Variants in TSPAN17 observed in about 807,000 individuals in gnomAD.
TSPAN17 encodes tetraspanin 17.
TSPAN17 carries 33 observed loss-of-function variants against 40.5 expected under a neutral mutation model. The ratio of observed to expected loss-of-function variants is 0.81; its 90% CI spans 0.62 to 1.09. TSPAN17 has a LOEUF of 1.09. Among genes scored for constraint, TSPAN17 ranks in the 50% least tolerant of loss-of-function variants. TSPAN17 has a pLI of 0.00. For missense variants in TSPAN17, 365 were observed against 416.8 expected (o/e 0.88, Z 1.08); for synonymous variants, 166 against 169.4 (o/e 0.98, Z 0.15).
chr5:176,657,104 T>G, intron 8 of TSPAN17, 148 bp downstream of exon 8: 1 of 831,300 alleles, frequency 1.2e-6, no homozygotes. Flanking sequence ...CCTGAACCGC[T>G]GTGCTGTCCA....
In TSPAN17 at chr5:176,655,970, G is replaced by T. The variant is rs549924121; in HGVS notation, c.583-108G>T. 5.5e-5 allele frequency: 53 copies of T among 957,200 alleles called. No homozygotes were observed. The East Asian group carries it at 1.3e-3, about 23-fold the overall frequency. 59.3% of individuals were successfully genotyped at this position (957,200 alleles called of 1,614,324 possible). On this transcript the variant is annotated intron_variant, in intron 5 of 8. Coordinates refer to ENST00000508164, the MANE Select transcript of TSPAN17 (RefSeq NM_130465.5). ...GACTGGTGGACACGGCAGAATCCACGGGCCCATCTGCGTCCTCTGAGAAGG... is the reference window on the plus strand; with the variant it reads ...GACTGGTGGACACGGCAGAATCCACTGGCCCATCTGCGTCCTCTGAGAAGG...
Position 176,647,612 on chromosome 5 carries a change from C to T in TSPAN17, c.-4C>T, listed in dbSNP as rs770853473. ...GTTTCCGGGCCGGCGGGTGGCCGCT[C>T]ACCATGCCCGGCAAGCACCAGCATT... On this transcript the variant is annotated 5_prime_UTR_variant, in exon 1 of 9. Coordinates refer to ENST00000508164, the MANE Select transcript of TSPAN17 (RefSeq NM_130465.5). 6.4e-6 allele frequency: 10 copies of T among 1,564,984 alleles called. No homozygotes were observed. The highest frequency in any genetic ancestry group is 7.8e-6 in the Non-Finnish European group (9 of 1,158,326).
intron 4 of TSPAN17, 94 bp downstream of exon 4, chr5:176,653,007 A>T: frequency 7.2e-7 from 1 of 1,394,892 alleles, no homozygotes; most frequent in Non-Finnish European, 1.0e-6. Flanking sequence ...CCATCTCCTT[A>T]CCCACCTGGG....
chr5:176,654,969 C>T lies in TSPAN17; in HGVS notation c.531C>T (p.Pro177=), dbSNP rs757761576. 1.9e-6 allele frequency: 3 copies of T among 1,612,804 alleles called. No homozygotes were observed. The highest frequency in any genetic ancestry group is 2.2e-5 in the East Asian group (1 of 44,818). Residue 177 remains proline (P), a synonymous_variant, in exon 5 of 9, where the codon CCC becomes CCT. Coordinates refer to ENST00000508164, the MANE Select transcript of TSPAN17 (RefSeq NM_130465.5). The surrounding 1 kb of genome is among the most constrained non-coding windows in gnomAD (Gnocchi z 4.3). Reference sequence around the variant, plus strand: ...ACTTCAACTGCACTGACTTGAACCCCAGCCGGGAGCGCTGCGGGGTGCCCT... The same window carrying T: ...ACTTCAACTGCACTGACTTGAACCCTAGCCGGGAGCGCTGCGGGGTGCCCT... ...NIYFNCTDLN[P]SRERCGVPFS... is the part of the protein sequence containing the mutation.
Position 176,647,627 on chromosome 5 carries a change from G to T in TSPAN17, c.12G>T (p.Lys4Asn). Residue 4 changes from lysine to asparagine, a missense_variant, in exon 1 of 9, where the codon AAG becomes AAT. By Grantham distance (94) the Lys-to-Asn change is moderately conservative. Transcript: ENST00000508164. The part of the protein sequence containing the change: MPG[K>N]HQHFQEPEVG... ...GGTGGCCGCTCACCATGCCCGGCAA[G>T]CACCAGCATTTCCAGGAACCTGAGG... The T allele has an allele frequency of 6.3e-7, 1 of 1,584,782 alleles. No homozygotes were observed. Among genetic ancestry groups the T allele is most frequent in the Non-Finnish European group, 8.6e-7 (1 of 1,167,170 alleles).
At chr5:176,652,213 G>A (rs1028626420) in intron 3 of TSPAN17, among the ~76,000 whole-genome samples, 8 of 152,214 alleles carry the variant, frequency 5.3e-5, no homozygotes, top group South Asian at 2.1e-4. Context: ...GGCTCCCCCC[G>A]TTTGGCTCCA....
chr5:176,652,727 G>C lies in TSPAN17; in HGVS notation c.286-16G>C. On this transcript the variant is annotated splice_polypyrimidine_tract_variant and intron_variant, in intron 3 of 8. Coordinates refer to ENST00000508164, the MANE Select transcript of TSPAN17 (RefSeq NM_130465.5). ...CCTGCGTTTCCAACCCCTACTGTCT[G>C]TATGCCCAACCCCAGTTCTCCGTGT... The C allele has an allele frequency of 6.2e-7, 1 of 1,613,754 alleles. No homozygotes were observed. The highest frequency in any genetic ancestry group is 8.5e-7 in the Non-Finnish European group (1 of 1,179,726).
rs139202733 is a variant in TSPAN17 at position 176,649,991 on chromosome 5, G to T, written c.88-1625G>T. ...CCAGCATCCCCCATCTCGTCGCCCC[G>T]CTCGATATTTGTTAAGGGGTCTGTT... On this transcript the variant is annotated intron_variant, in intron 1 of 8. Transcript: ENST00000508164. Among the ~76,000 whole-genome samples the T allele has an allele frequency of 9.1e-3, 1,390 of 152,128 alleles. 21 individuals are homozygous for T. The highest frequency in any genetic ancestry group is 0.032 in the African/African-American group (1,316 of 41,498).
At position 176,657,853 on chromosome 5, in the gene TSPAN17, T is replaced by G. The variant is rs1317162856; in HGVS notation, c.*155T>G. On this transcript the variant is annotated 3_prime_UTR_variant, in exon 9 of 9. Coordinates refer to ENST00000508164, the MANE Select transcript of TSPAN17 (RefSeq NM_130465.5). ...ACTCACCTAAGTGCCGCCTGACCCT[T>G]GTACACTAGGAGCTGGCCTCCCACC... The G allele has an allele frequency of 1.6e-5, 22 of 1,357,658 alleles. No homozygotes were observed. Among genetic ancestry groups the G allele is most frequent in the Admixed American group, 3.0e-5 (1 of 32,872 alleles). 84.1% of individuals were successfully genotyped at this position (1,357,658 alleles called of 1,614,324 possible). A position where few individuals can be genotyped will look rare whatever the true frequency, so the allele number is the denominator to read the frequency against.
intron 8 of TSPAN17, 62 bp from the exon 9 acceptor site, chr5:176,657,456 G>A (rs1761202427): frequency 6.5e-7 from 1 of 1,548,906 alleles, no homozygotes; most frequent in African/African-American, 1.4e-5. Flanking sequence ...ACCCACCTCA[G>A]CCTCAGTGTC....
At chr5:176,653,368 A>G (rs540367051) in intron 4 of TSPAN17, 1 of 158,102 alleles carries the variant, frequency 6.3e-6, no homozygotes, top group Admixed American at 6.0e-5. Flanking sequence ...CATTTATACT[A>G]TGTTTGGCCT....
chr5:176,653,153 T>G, intron 4 of TSPAN17: 1 of 417,370 alleles, frequency 2.4e-6, no homozygotes. Context: ...GGCTCCACGC[T>G]AGCAGCTCCC....
At chr5:176,655,982 G>C (rs984929117) in intron 5 of TSPAN17, 96 bp from the exon 6 acceptor site, 6 of 1,111,150 alleles carry the variant, frequency 5.4e-6, no homozygotes, top group Non-Finnish European at 6.9e-6. Context: ...GCCCATCTGC[G>C]TCCTCTGAGA....
chr5:176,656,150 G>GGGCA (rs768456355), intron 6 of TSPAN17, 25 bp downstream of exon 6: 2 of 1,611,934 alleles, frequency 1.2e-6, no homozygotes, highest in South Asian at 2.2e-5. Context: ...AACCGGGCTG[G>GGGCA]GGCAGGCAGG....
Position 176,656,904 on chromosome 5 carries a change from A to G in TSPAN17, c.757A>G (p.Ile253Val). The G allele has an allele frequency of 6.2e-7, 1 of 1,614,142 alleles. No individual in the cohort carries two copies. The highest frequency in any genetic ancestry group is 1.1e-5 in the South Asian group (1 of 91,086). Residue 253 changes from isoleucine to valine, a missense_variant, in exon 8 of 9, where the codon ATC (isoleucine) becomes GTC (valine). Ile to Val is a conservative substitution (Grantham distance 29). Transcript: ENST00000508164. ...GTCCTCTGTCTTACAGATCTTTGGC[A>G]TCTGCCTGGCCCAGAACCTCGTGAG... ...MGIALLQIFG[I>V]CLAQNLVSDI...
chr5:176,655,710 C>T (rs1047297478), intron 5 of TSPAN17, among the ~76,000 whole-genome samples: 11 of 136,806 alleles, frequency 8.0e-5, no homozygotes, highest in South Asian at 4.6e-4. Context: ...CCAGCTGGGG[C>T]GGCACAGTGA....
rs113889219 is a variant in TSPAN17 at position 176,647,755 on chromosome 5, G to A, written c.87+53G>A. On this transcript the variant is annotated intron_variant, in intron 1 of 8. Coordinates refer to ENST00000508164, the MANE Select transcript of TSPAN17 (RefSeq NM_130465.5). ...GTGCTGGGGGGTGGTGGGAGAGGGA[G>A]ATTCAGTCTTTTGCTGGGGGAGACC... The A allele has an allele frequency of 2.6e-3, 3,956 of 1,499,186 alleles. 104 individuals carry two copies. In the African/African-American group the frequency reaches 0.049, roughly 19 times the overall value. The allele number at this position is 1,499,186 out of a possible 1,614,324, so 92.9% of individuals were successfully genotyped here.
rs369465575 is a variant in TSPAN17, at chr5:176,651,685, G to A, written c.138+19G>A. The A allele has an allele frequency of 7.6e-5, 123 of 1,614,016 alleles. 1 individual carries two copies. The South Asian group carries it at 1.2e-3, about 16-fold the overall frequency. On this transcript the variant is annotated intron_variant, in intron 2 of 8. Transcript: ENST00000508164. This position sits in a 1 kb window ranked among gnomAD's most constrained non-coding sequence, Gnocchi z 4.5. ...TGAGAAGGTAAGGCAGCGGGCGGGCGTGGAGCTGGTATGGGACGAGGTGGT... is the reference window on the plus strand; with the variant it reads ...TGAGAAGGTAAGGCAGCGGGCGGGCATGGAGCTGGTATGGGACGAGGTGGT...
chr5:176,648,221 C>T (rs1271686597), intron 1 of TSPAN17, among the ~76,000 whole-genome samples: 1 of 152,194 alleles, frequency 6.6e-6, no homozygotes, highest in Non-Finnish European at 1.5e-5. Context: ...CTGCCCACCC[C>T]AGTCCCGCAC....
Sources: gnomAD v4.1 joint callset for allele counts (sites outside exome capture counted in the v4.1 genomes callset) on GRCh38, gnomAD v4.1.1 for gene constraint, Gnocchi (gnomAD v3.1) non-coding constraint, MANE v1.5 for transcripts, NCBI Gene and HGNC (gene_info 2026-07-23, HGNC 2026-07-21) for gene names.